CNTNAP5: variants seen among roughly 807,000 people sequenced by gnomAD.
CNTNAP5 encodes contactin associated protein family member 5.
CNTNAP5 carries 72 observed loss-of-function variants against 150.2 expected under a neutral mutation model. That is an observed-to-expected ratio of 0.48 (90% confidence interval 0.40 to 0.58). The LOEUF is 0.58. Among genes scored for constraint, CNTNAP5 ranks in the 20% least tolerant of loss-of-function variants. CNTNAP5 has a pLI of 0.00. For synonymous variants in CNTNAP5, 672 were observed against 619.8 expected (o/e 1.08, Z -1.25); for missense variants, 1,636 against 1,626.2 (o/e 1.01, Z -0.10).
intron 4 of CNTNAP5, among the ~76,000 whole-genome samples, chr2:124,432,958 A>T (rs1327096876): frequency 5.3e-5 from 8 of 152,248 alleles, no homozygotes; most frequent in Admixed American, 3.3e-4. Context: ...GTTCACATTG[A>T]TGTGTCATAA....
rs1573616266 is a variant in CNTNAP5 at position 124,786,391 on chromosome 2, GAAAGAAA to G, written c.2753-3510_2753-3504del. On this transcript the variant is annotated intron_variant, in intron 17 of 23. Coordinates refer to ENST00000682447, the MANE Select transcript of CNTNAP5 (RefSeq NM_001367498.1). ...AGAAAGAAAGAAAGAAAGAAAGAAA[GAAAGAAA>G]GAAGGAAGGAAGGAAGGAAGGAAGG... is the stretch of plus-strand genomic sequence containing the variant. Among the ~76,000 whole-genome samples the G allele has an allele frequency of 8.1e-3, 672 of 83,046 alleles. 2 individuals carry two copies. Among genetic ancestry groups the G allele is most frequent in the Non-Finnish European group, 9.1e-3 (395 of 43,542 alleles). 54.5% of individuals were successfully genotyped at this position (83,046 alleles called of 152,430 possible).
chr2:124,032,308 A>G (rs1206914592), intron 1 of CNTNAP5, among the ~76,000 whole-genome samples: 4 of 152,160 alleles, frequency 2.6e-5, no homozygotes, highest in Non-Finnish European at 5.9e-5. Context: ...ACTTGGTAGA[A>G]GGATAGAAGA....
At chr2:124,667,331 G>T (rs1298005774) in intron 13 of CNTNAP5, among the ~76,000 whole-genome samples, 1 of 152,232 alleles carries the variant, frequency 6.6e-6, no homozygotes, top group Non-Finnish European at 1.5e-5. Flanking sequence ...AGGTGCCACA[G>T]AATTCTACAG....
At chr2:124,737,406 G>A (rs1680407625) in intron 13 of CNTNAP5, among the ~76,000 whole-genome samples, 1 of 152,088 alleles carries the variant, frequency 6.6e-6, no homozygotes, top group Admixed American at 6.6e-5. Flanking sequence ...CAGCCTCTAT[G>A]AAGACCCATG....
chr2:124,578,983 T>C (rs986140267), intron 11 of CNTNAP5, among the ~76,000 whole-genome samples: 2 of 152,154 alleles, frequency 1.3e-5, no homozygotes, highest in African/African-American at 4.8e-5. Context: ...GATACACTTT[T>C]ATTTGTGAAA....
chr2:124,671,766 A>G (rs948253018), intron 13 of CNTNAP5, among the ~76,000 whole-genome samples: 5 of 152,104 alleles, frequency 3.3e-5, no homozygotes, highest in Admixed American at 6.6e-5. Context: ...CAGCCTCCCA[A>G]GTACCTGTGA....
intron 1 of CNTNAP5, among the ~76,000 whole-genome samples, chr2:124,049,421 T>C (rs1681633220): frequency 6.6e-6 from 1 of 152,340 alleles, no homozygotes; most frequent in Middle Eastern, 3.4e-3. Flanking sequence ...ATTCTGGTGT[T>C]GATTTTCAAC....
intron 3 of CNTNAP5, among the ~76,000 whole-genome samples, chr2:124,404,815 A>T (rs1691527968): frequency 6.6e-6 from 1 of 152,182 alleles, no homozygotes. Flanking sequence ...CTCTGTGACC[A>T]TTACAAGAAA....
At chr2:124,655,983 GAAA>G in intron 13 of CNTNAP5, among the ~76,000 whole-genome samples, 1 of 129,602 alleles carries the variant, frequency 7.7e-6, no homozygotes, top group Non-Finnish European at 1.6e-5. Context: ...AAGAAAGAAA[GAAA>G]GAAAGAAAGA....
At chr2:124,833,574 C>T (rs756505982) in intron 19 of CNTNAP5, among the ~76,000 whole-genome samples, 2 of 152,182 alleles carry the variant, frequency 1.3e-5, no homozygotes, top group Non-Finnish European at 2.9e-5. Context: ...AGGACCTCAC[C>T]TAGGAGCAAT....
intron 8 of CNTNAP5, among the ~76,000 whole-genome samples, chr2:124,510,301 C>A (rs7425735): frequency 1.2e-4 from 13 of 106,054 alleles, no homozygotes; most frequent in African/African-American, 3.4e-4. Flanking sequence ...ATCTATATAT[C>A]TATATATATA....
intron 21 of CNTNAP5, among the ~76,000 whole-genome samples, chr2:124,872,326 T>C (rs1677765900): frequency 6.6e-6 from 1 of 151,836 alleles, no homozygotes; most frequent in African/African-American, 2.4e-5. Context: ...TCCCAGTCTG[T>C]TACTAGCTGT....
intron 3 of CNTNAP5, among the ~76,000 whole-genome samples, chr2:124,382,372 A>T (rs1690818528): frequency 6.6e-6 from 1 of 152,138 alleles, no homozygotes; most frequent in Non-Finnish European, 1.5e-5. Flanking sequence ...GTGAGGAAGA[A>T]ATATTGGAGA....
chr2:124,862,880 G>A (rs1211874452), intron 19 of CNTNAP5, among the ~76,000 whole-genome samples: 1 of 152,188 alleles, frequency 6.6e-6, no homozygotes, highest in Non-Finnish European at 1.5e-5. Context: ...GGCACTGATT[G>A]CATCAAAGCT....
intron 3 of CNTNAP5, among the ~76,000 whole-genome samples, chr2:124,337,264 A>G (rs867742850): frequency 4.6e-5 from 7 of 152,040 alleles, no homozygotes; most frequent in Non-Finnish European, 8.8e-5. Context: ...TGTAGATTCT[A>G]GATATTAGCC....
intron 3 of CNTNAP5, among the ~76,000 whole-genome samples, chr2:124,329,642 T>C (rs1689300393): frequency 6.6e-6 from 1 of 152,136 alleles, no homozygotes; most frequent in African/African-American, 2.4e-5. Flanking sequence ...AAAAAAAACA[T>C]ATATTTTAGT....
At chr2:124,164,698 G>A (rs76593480) in intron 1 of CNTNAP5, among the ~76,000 whole-genome samples, 4,345 of 152,198 alleles carry the variant, frequency 0.029, 207 homozygotes, top group African/African-American at 0.094. Flanking sequence ...AGAGGCCAAG[G>A]ACAGATTACA....
chr2:124,760,129 A>G (rs1323406267), intron 14 of CNTNAP5, among the ~76,000 whole-genome samples: 2 of 151,584 alleles, frequency 1.3e-5, no homozygotes, highest in Non-Finnish European at 1.5e-5. Context: ...GAAATGTAAA[A>G]CATCATGTAC....
At position 124,539,593 on chromosome 2, in the gene CNTNAP5, G is replaced by A. The variant is rs1410041648; in HGVS notation, c.1649+12137G>A. Reference sequence around the variant, plus strand: ...CCTAGTTGTCAAATGTAGATAACATGTTATAACTGCAAGGTGTTAAACAAA... The same window carrying A: ...CCTAGTTGTCAAATGTAGATAACATATTATAACTGCAAGGTGTTAAACAAA... On this transcript the variant is annotated intron_variant, in intron 10 of 23. Transcript: ENST00000682447. 2.6e-5 allele frequency among the ~76,000 whole-genome samples: 4 copies of A among 152,120 alleles called. 1 individual carries two copies. The highest frequency in any genetic ancestry group is 9.7e-5 in the African/African-American group (4 of 41,428).
Sources: gnomAD v4.1 joint callset for allele counts (sites outside exome capture counted in the v4.1 genomes callset) on GRCh38, gnomAD v4.1.1 for gene constraint, MANE v1.5 for transcripts, NCBI Gene and HGNC (gene_info 2026-07-23, HGNC 2026-07-21) for gene names.